SPOCK1: variants seen among roughly 807,000 people sequenced by gnomAD.
The protein encoded by SPOCK1 is SPARC (osteonectin), cwcv and kazal like domains proteoglycan 1, also known as testican-1.
In SPOCK1, 23 loss-of-function variants were observed where a neutral mutation model predicts 55.3. That is an observed-to-expected ratio of 0.42 (90% CI 0.30 to 0.59). SPOCK1 has a LOEUF of 0.59. Among genes scored for constraint, SPOCK1 ranks in the 20% least tolerant of loss-of-function variants. SPOCK1 has a pLI of 0.22. For missense variants in SPOCK1, 499 were observed against 552.5 expected (o/e 0.90, Z 0.97); for synonymous variants, 226 against 221.0 (o/e 1.02, Z -0.20).
intron 5 of SPOCK1, among the ~76,000 whole-genome samples, chr5:137,100,666 C>T (rs1346108388): frequency 3.3e-5 from 5 of 152,166 alleles, no homozygotes; most frequent in African/African-American, 1.2e-4. Context: ...GATTCAAAAG[C>T]TGTCCTTACT....
At position 137,293,455 on chromosome 5, in the gene SPOCK1, A is replaced by G. The variant is rs187541581; in HGVS notation, c.187-26400T>C. Among the ~76,000 whole-genome samples, 9 of 151,800 alleles carry G rather than the reference A, an allele frequency of 5.9e-5. No individual in the cohort carries two copies. The East Asian group carries it at 1.6e-3, about 26-fold the overall frequency. On this transcript the variant is annotated intron_variant, in intron 2 of 10. Coordinates refer to ENST00000394945, the MANE Select transcript of SPOCK1 (RefSeq NM_004598.4). ...CTGACAATGCCCTCTAGAGCTTCAA[A>G]TCTCAAACTTTAGCCTGCATCAGAA...
intron 3 of SPOCK1, among the ~76,000 whole-genome samples, chr5:137,232,506 T>C (rs1756082971): frequency 6.6e-6 from 1 of 152,232 alleles, no homozygotes; most frequent in Non-Finnish European, 1.5e-5. Context: ...CCTGGCTCTC[T>C]TTCTGGGTTA....
chr5:137,166,768 T>C (rs2127055674), intron 3 of SPOCK1, among the ~76,000 whole-genome samples: 1 of 152,192 alleles, frequency 6.6e-6, no homozygotes, highest in Non-Finnish European at 1.5e-5. Flanking sequence ...GGTTATAAGA[T>C]AGTACTTGCA....
intron 2 of SPOCK1, among the ~76,000 whole-genome samples, chr5:137,399,519 T>C (rs1347617783): frequency 6.6e-6 from 1 of 151,504 alleles, no homozygotes; most frequent in Non-Finnish European, 1.5e-5. Flanking sequence ...TCTTTAAGTA[T>C]TAAAAAAAAA....
chr5:137,165,229 A>C (rs1718339444), intron 3 of SPOCK1, among the ~76,000 whole-genome samples: 1 of 152,152 alleles, frequency 6.6e-6, no homozygotes, highest in Non-Finnish European at 1.5e-5. Flanking sequence ...AGAAAGAAAG[A>C]CTTTGTTTGT....
intron 3 of SPOCK1, among the ~76,000 whole-genome samples, chr5:137,188,291 T>C (rs1755112236): frequency 6.6e-6 from 1 of 152,252 alleles, no homozygotes; most frequent in Admixed American, 6.5e-5. Flanking sequence ...GCTTTGCTTA[T>C]TGAACTTCTC....
intron 3 of SPOCK1, among the ~76,000 whole-genome samples, chr5:137,244,468 T>C (rs771625110): frequency 2.0e-5 from 3 of 152,206 alleles, no homozygotes; most frequent in Non-Finnish European, 4.4e-5. Flanking sequence ...AAAAAGAAAC[T>C]GTATATATTG....
intron 2 of SPOCK1, among the ~76,000 whole-genome samples, chr5:137,456,910 A>G (rs907669076): frequency 6.6e-5 from 10 of 152,206 alleles, no homozygotes; most frequent in African/African-American, 2.4e-4. Flanking sequence ...ACACACTACC[A>G]ACTACTATAC....
At chr5:137,157,360 G>A (rs115231146) in intron 3 of SPOCK1, among the ~76,000 whole-genome samples, 356 of 152,256 alleles carry the variant, frequency 2.3e-3, no homozygotes, top group African/African-American at 8.0e-3. Context: ...AGCTTAACAG[G>A]CTGTGTCATT....
chr5:137,017,600 T>C (rs1751472404), intron 6 of SPOCK1, among the ~76,000 whole-genome samples: 1 of 152,138 alleles, frequency 6.6e-6, no homozygotes, highest in Admixed American at 6.5e-5. Context: ...TTAAAGGACA[T>C]CATAATAGAA....
chr5:137,487,443 C>G (rs1164851158), intron 2 of SPOCK1, among the ~76,000 whole-genome samples: 1 of 152,040 alleles, frequency 6.6e-6, no homozygotes, highest in Non-Finnish European at 1.5e-5. Context: ...CAGACTCCCT[C>G]TGTGGTTCCG....
At chr5:137,065,768 T>G (rs1752496234) in intron 6 of SPOCK1, among the ~76,000 whole-genome samples, 1 of 152,242 alleles carries the variant, frequency 6.6e-6, no homozygotes, top group Non-Finnish European at 1.5e-5. Flanking sequence ...TGAAAGATTT[T>G]TAAATGGTAA....
chr5:137,379,237 C>T (rs559388912), intron 2 of SPOCK1, among the ~76,000 whole-genome samples: 6 of 147,688 alleles, frequency 4.1e-5, no homozygotes, highest in African/African-American at 1.5e-4. Context: ...CTGCATGGAA[C>T]TAATAATGTC....
intron 2 of SPOCK1, among the ~76,000 whole-genome samples, chr5:137,396,936 C>T (rs767450712): frequency 3.3e-5 from 5 of 152,252 alleles, no homozygotes; most frequent in South Asian, 2.1e-4. Context: ...AAGAGCCTTA[C>T]GCGTTTATAC....
intron 2 of SPOCK1, among the ~76,000 whole-genome samples, chr5:137,271,312 G>A (rs1322143824): frequency 6.6e-6 from 1 of 150,526 alleles, no homozygotes; most frequent in African/African-American, 2.4e-5. Flanking sequence ...TAATGCTTTA[G>A]AGATATTCTG....
chr5:137,108,326 T>A lies in SPOCK1; in HGVS notation c.474+4109A>T, dbSNP rs538390278. ...GAATTGTCCTCTGCTTCAGAAGTCT[T>A]CAGCAATCAAAACACAGCTTCAGAT... On this transcript the variant is annotated intron_variant, in intron 5 of 10. Coordinates refer to ENST00000394945, the MANE Select transcript of SPOCK1 (RefSeq NM_004598.4). Among the ~76,000 whole-genome samples the A allele has an allele frequency of 3.3e-5, 5 of 152,310 alleles. No individual in the cohort carries two copies. In the South Asian group the frequency reaches 1.0e-3, roughly 32 times the overall value.
intron 2 of SPOCK1, among the ~76,000 whole-genome samples, chr5:137,377,942 C>CTTTTTTTTTTT (rs3043282): frequency 9.6e-6 from 1 of 104,626 alleles, no homozygotes; most frequent in Non-Finnish European, 1.8e-5. Flanking sequence ...TCACTTCTTC[C>CTTTTTTTTTTT]TTTTTTTTTT....
At chr5:137,303,288 C>T (rs1347200251) in intron 2 of SPOCK1, among the ~76,000 whole-genome samples, 2 of 151,992 alleles carry the variant, frequency 1.3e-5, no homozygotes, top group East Asian at 1.9e-4. Flanking sequence ...CTTGGGAAAG[C>T]GAGACCTATA....
intron 2 of SPOCK1, among the ~76,000 whole-genome samples, chr5:137,331,553 C>T (rs1229465714): frequency 2.6e-5 from 4 of 152,278 alleles, no homozygotes; most frequent in African/African-American, 9.6e-5. Flanking sequence ...ATGGTGCCGG[C>T]GTCTGCTCAG....
Sources: allele counts gnomAD v4.1 joint callset (sites outside exome capture counted in the v4.1 genomes callset), GRCh38; gene constraint gnomAD v4.1.1; transcripts MANE v1.5; gene names NCBI Gene and HGNC (gene_info 2026-07-23, HGNC 2026-07-21).